Variants in SGCZ observed in about 807,000 individuals in gnomAD.
SGCZ encodes zeta-sarcoglycan.
In SGCZ, 40 loss-of-function variants were observed where a neutral mutation model predicts 41.3. The observed-to-expected ratio is 0.97, with a 90% CI of 0.75 to 1.26. SGCZ has a LOEUF of 1.26. Ranked by LOEUF, SGCZ falls within the 50% of genes most tolerant of loss-of-function variation. The pLI, the probability that SGCZ is intolerant of heterozygous loss-of-function variation, is 0.00. For synonymous variants in SGCZ, 206 were observed against 137.5 expected (o/e 1.50, Z -3.49); for missense variants, 552 against 369.8 (o/e 1.49, Z -4.04).
chr8:14,557,516 G>C (rs1804069992), intron 1 of SGCZ, among the ~76,000 whole-genome samples: 1 of 151,972 alleles, frequency 6.6e-6, no homozygotes, highest in Admixed American at 6.6e-5. Context: ...ATATCTGGAA[G>C]GATTTTTCCA....
intron 1 of SGCZ, among the ~76,000 whole-genome samples, chr8:14,664,935 T>C (rs1340752490): frequency 2.6e-5 from 4 of 152,176 alleles, no homozygotes; most frequent in African/African-American, 9.7e-5. Context: ...AGATACTATC[T>C]CTAGCACTAG....
intron 1 of SGCZ, among the ~76,000 whole-genome samples, chr8:14,703,868 T>C (rs1054820549): frequency 1.3e-5 from 2 of 152,006 alleles, no homozygotes; most frequent in African/African-American, 4.8e-5. Flanking sequence ...AATTGCTAAT[T>C]TAATAAGCAA....
chr8:14,360,922 T>C (rs766382560), intron 2 of SGCZ, among the ~76,000 whole-genome samples: 3 of 152,154 alleles, frequency 2.0e-5, no homozygotes, highest in African/African-American at 4.8e-5. Context: ...GGACGAGTGA[T>C]CTAGTTTTTC....
intron 2 of SGCZ, among the ~76,000 whole-genome samples, chr8:14,485,300 G>A (rs1271656915): frequency 1.3e-5 from 2 of 152,152 alleles, no homozygotes; most frequent in Non-Finnish European, 2.9e-5. Flanking sequence ...GCAGTGGCAT[G>A]ATCTTGGCTC....
At chr8:14,124,323 GA>G (rs1279181746) in intron 5 of SGCZ, among the ~76,000 whole-genome samples, 1 of 152,004 alleles carries the variant, frequency 6.6e-6, no homozygotes, top group African/African-American at 2.4e-5. Flanking sequence ...ACTGTGAAAT[GA>G]CAGATTGCCT....
chr8:14,172,531 G>C (rs1172772757), intron 4 of SGCZ, among the ~76,000 whole-genome samples: 1 of 152,098 alleles, frequency 6.6e-6, no homozygotes, highest in African/African-American at 2.4e-5. Flanking sequence ...ATGAATCTTG[G>C]ACTTATTTTC....
chr8:15,033,091 G>T (rs1803740647), intron 1 of SGCZ, among the ~76,000 whole-genome samples: 1 of 151,938 alleles, frequency 6.6e-6, no homozygotes, highest in Admixed American at 6.6e-5. Context: ...ATGACCTCAA[G>T]CTCTAGTAGG....
intron 3 of SGCZ, among the ~76,000 whole-genome samples, chr8:14,289,674 C>G (rs6530749): frequency 0.72 from 109,101 of 151,818 alleles, 40,330 homozygotes; most frequent in Non-Finnish European, 0.8. Context: ...TTATAGCCAA[C>G]TGATATTGGC....
chr8:15,224,136 G>A (rs912951473), intron 1 of SGCZ, among the ~76,000 whole-genome samples: 16 of 152,120 alleles, frequency 1.1e-4, no homozygotes, highest in Admixed American at 2.0e-4. Flanking sequence ...GATAACAGGC[G>A]TGAGCCACCA....
At chr8:15,171,130 G>A (rs1799814297) in intron 1 of SGCZ, among the ~76,000 whole-genome samples, 1 of 152,158 alleles carries the variant, frequency 6.6e-6, no homozygotes, top group South Asian at 2.1e-4. Flanking sequence ...GCTTCCTGTT[G>A]GAGCTGACTT....
intron 1 of SGCZ, among the ~76,000 whole-genome samples, chr8:14,867,197 A>T (rs1035553569): frequency 1.3e-5 from 2 of 152,228 alleles, no homozygotes; most frequent in South Asian, 4.1e-4. Flanking sequence ...CTTGTTTATG[A>T]ATTATAAGTT....
intron 2 of SGCZ, among the ~76,000 whole-genome samples, chr8:14,491,140 A>C (rs36088270): frequency 6.6e-6 from 1 of 151,606 alleles, no homozygotes. Flanking sequence ...GTTACTTTTG[A>C]CTATGTTTGG....
At chr8:15,230,112 A>G (rs960769242) in intron 1 of SGCZ, among the ~76,000 whole-genome samples, 14 of 152,130 alleles carry the variant, frequency 9.2e-5, no homozygotes, top group African/African-American at 2.9e-4. Flanking sequence ...CATTATGCAA[A>G]TAACCAACAA....
intron 3 of SGCZ, among the ~76,000 whole-genome samples, chr8:14,240,327 CAAAAAAA>C (rs59351247): frequency 0.43 from 49,264 of 115,236 alleles, 10,589 homozygotes; most frequent in South Asian, 0.65. Context: ...AACTCTGTGT[CAAAAAAA>C]AAAAAAAAAA....
intron 1 of SGCZ, among the ~76,000 whole-genome samples, chr8:14,793,706 G>C (rs1442905428): frequency 6.6e-6 from 1 of 152,082 alleles, no homozygotes; most frequent in Non-Finnish European, 1.5e-5. Context: ...TGTTTGAGAA[G>C]CAGTTAGAAT....
intron 4 of SGCZ, among the ~76,000 whole-genome samples, chr8:14,219,003 C>A (rs762076047): frequency 3.3e-5 from 5 of 152,206 alleles, no homozygotes; most frequent in Non-Finnish European, 7.3e-5. Context: ...GCATTTGAAC[C>A]AAACTGGAGA....
intron 1 of SGCZ, among the ~76,000 whole-genome samples, chr8:14,945,474 T>G (rs7838487): frequency 0.22 from 33,583 of 152,006 alleles, 4,565 homozygotes; most frequent in East Asian, 0.36. Context: ...GTTGGTCAAA[T>G]TTTAATGATT....
At chr8:15,207,309 G>A (rs1203951755) in intron 1 of SGCZ, among the ~76,000 whole-genome samples, 3 of 152,212 alleles carry the variant, frequency 2.0e-5, no homozygotes, top group Admixed American at 6.5e-5. Flanking sequence ...TATTTTCTGG[G>A]ATGAAGGCTG....
At chr8:15,012,520 A>G (rs955905152) in intron 1 of SGCZ, among the ~76,000 whole-genome samples, 2 of 111,824 alleles carry the variant, frequency 1.8e-5, no homozygotes, top group Non-Finnish European at 3.5e-5. Context: ...ATATTTATAC[A>G]TAAACATATG....
Sources: gnomAD v4.1 joint callset for allele counts (sites outside exome capture counted in the v4.1 genomes callset) on GRCh38, gnomAD v4.1.1 for gene constraint, MANE v1.5 for transcripts, NCBI Gene and HGNC (gene_info 2026-07-23, HGNC 2026-07-21) for gene names.